The following FBXO11 variants were observed in gnomAD, a reference collection of about 807,000 sequenced individuals.
The protein encoded by FBXO11 is F-box only protein 11.
In FBXO11, 13 loss-of-function variants were observed where a neutral mutation model predicts 117.0. The ratio of observed to expected loss-of-function variants is 0.11; its 90% CI spans 0.07 to 0.18. The LOEUF (loss-of-function observed/expected upper bound fraction) is 0.18. Ranked by LOEUF, FBXO11 falls within the 10% of genes least tolerant of loss-of-function variation. The probability of loss-of-function intolerance (pLI) is 1.00; values close to 1 mark genes in which losing one functional copy is unlikely to be tolerated. For synonymous variants in FBXO11, 490 were observed against 380.5 expected (o/e 1.29, Z -3.35); for missense variants, 767 against 1,164.4 (o/e 0.66, Z 4.97).
At chr2:47,890,826 T>G (rs145291271) in intron 1 of FBXO11, among the ~76,000 whole-genome samples, 1,547 of 151,474 alleles carry the variant, frequency 0.01, 30 homozygotes, top group African/African-American at 0.035. Context: ...AAAAAAATAT[T>G]ATTATTATTG....
chr2:47,890,039 T>C (rs1677146258), intron 1 of FBXO11, among the ~76,000 whole-genome samples: 1 of 152,292 alleles, frequency 6.6e-6, no homozygotes, highest in East Asian at 1.9e-4. Context: ...AAATATCAAA[T>C]TCCTGGGCTC....
intron 1 of FBXO11, among the ~76,000 whole-genome samples, chr2:47,896,747 C>G (rs1677698284): frequency 6.6e-6 from 1 of 152,200 alleles, no homozygotes; most frequent in Non-Finnish European, 1.5e-5. Context: ...ATGAAGACAT[C>G]AGTCATTCAT....
rs1167609243 is a variant in FBXO11 at position 47,905,320 on chromosome 2, C to G, written c.232+169G>C. On this transcript the variant is annotated intron_variant, in intron 1 of 22. Transcript: ENST00000403359. ...GCCGCGGCTTTTCCTGCCGGCCGGG[C>G]CCGGCCCGGGCTGACACTGCGGCAC... is the stretch of plus-strand genomic sequence containing the variant. 6.5e-6 allele frequency: 4 copies of G among 616,592 alleles called. No homozygotes were observed. The African/African-American group carries it at 7.8e-5, about 12-fold the overall frequency. 38.2% of individuals were successfully genotyped at this position (616,592 alleles called of 1,614,324 possible). A position where few individuals can be genotyped will look rare whatever the true frequency, so the allele number is the denominator to read the frequency against.
In FBXO11 at chr2:47,807,069, TAC is replaced by T. The variant is rs1221020504; in HGVS notation, c.*1047_*1048del. The T allele has an allele frequency of 1.8e-6, 1 of 564,890 alleles. No individual in the cohort carries two copies. The highest frequency in any genetic ancestry group is 3.1e-6 in the Non-Finnish European group (1 of 321,288). The allele number at this position is 564,890 out of a possible 1,614,324, so 35.0% of individuals were successfully genotyped here. On this transcript the variant is annotated 3_prime_UTR_variant, in exon 23 of 23. Transcript: ENST00000403359. ...AAGTCTAGATGTTATGGTACATGCA[TAC>T]ACTTTCAGGCTGTTTTATACCCACT...
intron 1 of FBXO11, among the ~76,000 whole-genome samples, chr2:47,842,974 C>T (rs143041624): frequency 2.6e-4 from 39 of 152,102 alleles, no homozygotes; most frequent in South Asian, 6.2e-4. Context: ...TTTGTAGACA[C>T]AAGGTCTCAC....
chr2:47,879,425 G>GT (rs1170095692), intron 1 of FBXO11, among the ~76,000 whole-genome samples: 2 of 152,204 alleles, frequency 1.3e-5, no homozygotes, highest in Non-Finnish European at 2.9e-5. Context: ...AACCAATGGA[G>GT]TATGCTGCCC....
intron 12 of FBXO11, among the ~76,000 whole-genome samples, chr2:47,822,568 A>G (rs2104734090): frequency 6.6e-6 from 1 of 152,372 alleles, no homozygotes; most frequent in Middle Eastern, 3.4e-3. Flanking sequence ...TTTGATGACT[A>G]TTAACAAGAT....
chr2:47,813,712 C>T lies in FBXO11; in HGVS notation c.2083+79G>A, dbSNP rs193139798. 1,115 of 1,190,170 alleles carry T rather than the reference C, an allele frequency of 9.4e-4. 15 individuals are homozygous for T. Among genetic ancestry groups the T allele is most frequent in the South Asian group, 7.2e-3 (564 of 78,044 alleles). 73.7% of individuals were successfully genotyped at this position (1,190,170 alleles called of 1,614,324 possible). A position where few individuals can be genotyped will look rare whatever the true frequency, so the allele number is the denominator to read the frequency against. ...CCTCCCAAAGTGCTGGGATTACAGG[C>T]GTGAGCCACCGTGCCCGGCCTAGAA... is the stretch of plus-strand genomic sequence containing the variant. On this transcript the variant is annotated intron_variant, in intron 17 of 22. Coordinates refer to ENST00000403359, the MANE Select transcript of FBXO11 (RefSeq NM_001190274.2).
chr2:47,893,642 C>T (rs564838059), intron 1 of FBXO11, among the ~76,000 whole-genome samples: 3 of 152,284 alleles, frequency 2.0e-5, no homozygotes, highest in African/African-American at 4.8e-5. Context: ...GCAAGAACTA[C>T]GTTTGCATGG....
Position 47,817,021 on chromosome 2 carries a change from C to G in FBXO11, c.2006+1758G>C, listed in dbSNP as rs369567493. 5.1e-4 allele frequency among the ~76,000 whole-genome samples: 77 copies of G among 152,330 alleles called. No individual in the cohort carries two copies. In the East Asian group the frequency reaches 0.013, roughly 25 times the overall value. ...TCAGGCATTGACTTCTCCCCTCTAG[C>G]TATGAATGTTCTGGATGCATCTTCT... On this transcript the variant is annotated intron_variant, in intron 16 of 22. Transcript: ENST00000403359.
At chr2:47,818,370 TAA>T (rs1671153262) in intron 16 of FBXO11, 1 of 158,366 alleles carries the variant, frequency 6.3e-6, no homozygotes, top group Non-Finnish European at 1.4e-5. Context: ...TCCAAAAACT[TAA>T]AATATTAGAG....
In FBXO11 at chr2:47,807,217, C is replaced by A. The variant is rs1347160231; in HGVS notation, c.*901G>T. On this transcript the variant is annotated 3_prime_UTR_variant, in exon 23 of 23. Transcript: ENST00000403359. ...TTCCAGCAGTTTTGTCTAAACTGTT[C>A]AAAAAAAAACTATGAACAGAGTTCA... is the stretch of plus-strand genomic sequence containing the variant. The A allele has an allele frequency of 1.1e-4, 26 of 242,084 alleles. No individual in the cohort carries two copies. The highest frequency in any genetic ancestry group is 2.5e-4 in the East Asian group (4 of 16,224). The allele number at this position is 242,084 out of a possible 1,614,324, so 15.0% of individuals were successfully genotyped here.
At chr2:47,860,107 G>C (rs894411547) in intron 1 of FBXO11, among the ~76,000 whole-genome samples, 8 of 152,102 alleles carry the variant, frequency 5.3e-5, no homozygotes, top group Admixed American at 1.3e-4. Flanking sequence ...GAGCTTAAGA[G>C]GTTTTTTCCA....
Position 47,900,423 on chromosome 2 carries a change from A to G in FBXO11, c.232+5066T>C, listed in dbSNP as rs574606857. On this transcript the variant is annotated intron_variant, in intron 1 of 22. Transcript: ENST00000403359. ...AGGATCCATGAAGTTAAAATATCAC[A>G]TGCTAGAACAATGCCACAGAAAGTA... Among the ~76,000 whole-genome samples, 3 of 152,134 alleles carry G rather than the reference A, an allele frequency of 2.0e-5. No homozygotes were observed. The South Asian group carries it at 6.2e-4, about 31-fold the overall frequency.
rs779725916 is a variant in FBXO11 at position 47,834,638 on chromosome 2, G to T, written c.875C>A (p.Ser292Tyr). The stretch of plus-strand genomic sequence containing the variant: ...TATCCATTCATCAGTATATATTCCA[G>T]AATGAACAAAGATAAGTCCATCAAA... ...AHFDGLIFVH[S>Y]GIYTDEWIYI... Residue 292 changes from serine (S) to tyrosine (Y), a missense_variant, in exon 7 of 23, where the codon TCT (serine) becomes TAT (tyrosine). By Grantham distance (144) the Ser-to-Tyr change is moderately radical. This residue lies in a region of FBXO11 where 123 missense variants were observed against 145.0 expected (regional missense o/e 0.85). Transcript: ENST00000403359. The T allele has an allele frequency of 2.5e-6, 4 of 1,608,678 alleles. No homozygotes were observed. Among genetic ancestry groups the T allele is most frequent in the Non-Finnish European group, 1.7e-6 (2 of 1,176,210 alleles).
intron 13 of FBXO11, among the ~76,000 whole-genome samples, 198 bp from the exon 14 acceptor site, chr2:47,820,654 C>T (rs56101865): frequency 0.33 from 49,454 of 151,998 alleles, 8,783 homozygotes; most frequent in East Asian, 0.55. Flanking sequence ...GTTGTGGAGC[C>T]GAGCTGCCAC....
At chr2:47,831,427 GAAAAAAAAAA>G (rs920107554) in intron 11 of FBXO11, among the ~76,000 whole-genome samples, 13 of 65,774 alleles carry the variant, frequency 2.0e-4, no homozygotes, top group Middle Eastern at 0.012. Flanking sequence ...GTCTCAAAAA[GAAAAAAAAAA>G]AAAAAAAAAA....
intron 1 of FBXO11, among the ~76,000 whole-genome samples, chr2:47,840,379 C>T (rs187391409): frequency 9.2e-5 from 14 of 151,436 alleles, no homozygotes; most frequent in Admixed American, 2.6e-4. Context: ...TGAAGAGGAA[C>T]GGCTCAATAT....
intron 1 of FBXO11, among the ~76,000 whole-genome samples, chr2:47,896,823 G>A (rs1274366632): frequency 6.6e-6 from 1 of 152,160 alleles, no homozygotes; most frequent in Non-Finnish European, 1.5e-5. Context: ...AATAAAGTGA[G>A]TGAGTCTATA....
Sources: allele counts gnomAD v4.1 joint callset (sites outside exome capture counted in the v4.1 genomes callset), GRCh38; gene constraint gnomAD v4.1.1; regional missense constraint gnomAD v4.1.1; transcripts MANE v1.5; gene names NCBI Gene and HGNC (gene_info 2026-07-23, HGNC 2026-07-21).